Variants in IQCM observed in about 807,000 individuals in gnomAD.
IQCM encodes the protein IQ motif containing M.
IQCM carries 45 observed loss-of-function variants against 57.6 expected under a neutral mutation model. That is an observed-to-expected ratio of 0.78 (90% confidence interval 0.62 to 1.00). The LOEUF is 1.00. Among genes scored for constraint, IQCM ranks in the 50% least tolerant of loss-of-function variants. The pLI, the probability that IQCM is intolerant of heterozygous loss-of-function variation, is 0.00. For synonymous variants in IQCM, 148 were observed against 158.9 expected, an observed-to-expected ratio of 0.93 and a Z score of 0.51; for missense variants, 468 against 511.6, an observed-to-expected ratio of 0.91 and a Z score of 0.82.
Position 149,351,877 on chromosome 4 carries a change from A to G in IQCM, c.*74T>C. 2.5e-6 allele frequency: 1 copy of G among 397,640 alleles called. No homozygotes were observed. Among genetic ancestry groups the G allele is most frequent in the Non-Finnish European group, 4.4e-6 (1 of 225,500 alleles). The allele number at this position is 397,640 out of a possible 1,614,324, so 24.6% of individuals were successfully genotyped here. A position where few individuals can be genotyped will look rare whatever the true frequency, so the allele number is the denominator to read the frequency against. ...CTTTCTTCCTACTCATACAGAATTG[A>G]TCCACCTCCAGTGTTAACTTGTCTC... On this transcript the variant is annotated 3_prime_UTR_variant, in exon 14 of 14. Coordinates refer to ENST00000636793, the MANE Select transcript of IQCM (RefSeq NM_001363507.2).
At chr4:149,496,565 G>T (rs1204534068) in intron 12 of IQCM, among the ~76,000 whole-genome samples, 1 of 152,038 alleles carries the variant, frequency 6.6e-6, no homozygotes, top group Non-Finnish European at 1.5e-5. Context: ...TGAGGAAGAG[G>T]CCATCAGCCC....
intron 8 of IQCM, among the ~76,000 whole-genome samples, chr4:149,604,217 A>G (rs550822858): frequency 2.0e-4 from 31 of 152,264 alleles, no homozygotes; most frequent in African/African-American, 6.7e-4. Flanking sequence ...TTGATTGTGA[A>G]TCCACTTATC....
chr4:149,687,243 T>C (rs563665250), intron 5 of IQCM, among the ~76,000 whole-genome samples: 1 of 151,736 alleles, frequency 6.6e-6, no homozygotes, highest in South Asian at 2.1e-4. Context: ...GACTGAATTA[T>C]GTAACGTATA....
intron 7 of IQCM, among the ~76,000 whole-genome samples, chr4:149,638,870 C>T (rs894144080): frequency 6.6e-6 from 1 of 151,438 alleles, no homozygotes; most frequent in African/African-American, 2.4e-5. Context: ...GCTTTACCAT[C>T]AGCTTAAACT....
chr4:149,707,954 A>T (rs897655401), intron 5 of IQCM, among the ~76,000 whole-genome samples: 2 of 151,882 alleles, frequency 1.3e-5, no homozygotes, highest in African/African-American at 4.8e-5. Flanking sequence ...TTCATCTAGA[A>T]CCAGGAAGAC....
intron 2 of IQCM, among the ~76,000 whole-genome samples, chr4:149,757,102 C>T (rs1216936074): frequency 6.6e-6 from 1 of 151,736 alleles, no homozygotes; most frequent in Non-Finnish European, 1.5e-5. Flanking sequence ...ACTAAAAATA[C>T]AAAAAATTAG....
intron 5 of IQCM, among the ~76,000 whole-genome samples, chr4:149,692,011 T>TG (rs1317039780): frequency 6.6e-6 from 1 of 152,104 alleles, no homozygotes; most frequent in Non-Finnish European, 1.5e-5. Flanking sequence ...GCAGAGACAA[T>TG]TAGTACTCAC....
At chr4:149,419,478 T>C (rs1486200201) in intron 13 of IQCM, among the ~76,000 whole-genome samples, 2 of 152,098 alleles carry the variant, frequency 1.3e-5, no homozygotes, top group African/African-American at 4.8e-5. Flanking sequence ...TTACACCTTA[T>C]ACAAAAATTA....
chr4:149,647,334 T>C (rs181410182), intron 7 of IQCM, among the ~76,000 whole-genome samples: 33 of 143,492 alleles, frequency 2.3e-4, no homozygotes, highest in African/African-American at 7.0e-4. Context: ...GTCTCCCTTC[T>C]AAGAACATTT....
chr4:149,364,157 A>G (rs1007824752), intron 13 of IQCM, among the ~76,000 whole-genome samples: 5 of 152,312 alleles, frequency 3.3e-5, no homozygotes, highest in South Asian at 2.1e-4. Context: ...GAGCTCTTGT[A>G]AAATGACCAG....
At chr4:149,631,270 C>T (rs975483938) in intron 7 of IQCM, among the ~76,000 whole-genome samples, 2 of 152,194 alleles carry the variant, frequency 1.3e-5, no homozygotes, top group African/African-American at 4.8e-5. Context: ...ATTTCAATCC[C>T]TGTACCTCTT....
intron 12 of IQCM, among the ~76,000 whole-genome samples, chr4:149,484,611 G>C (rs1741267831): frequency 6.6e-6 from 1 of 151,726 alleles, no homozygotes; most frequent in Non-Finnish European, 1.5e-5. Flanking sequence ...CTTTAATTTT[G>C]TCCCTTTTTT....
chr4:149,411,654 C>T (rs1733389814), intron 13 of IQCM, among the ~76,000 whole-genome samples: 2 of 151,980 alleles, frequency 1.3e-5, no homozygotes, highest in African/African-American at 4.8e-5. Context: ...TCTAGTTCAC[C>T]TTAAAATTAA....
chr4:149,481,713 T>TG (rs1560896112), intron 12 of IQCM, among the ~76,000 whole-genome samples: 91 of 138,112 alleles, frequency 6.6e-4, no homozygotes, highest in African/African-American at 8.0e-4. Context: ...TTTTTTTTTT[T>TG]TTTTTTTTTG....
chr4:149,373,026 A>G (rs1730467346), intron 13 of IQCM, among the ~76,000 whole-genome samples: 1 of 152,140 alleles, frequency 6.6e-6, no homozygotes, highest in Non-Finnish European at 1.5e-5. Context: ...TCTCAGAAAA[A>G]CTGCAAAAAT....
At chr4:149,797,614 C>T (rs1370452973) in intron 2 of IQCM, among the ~76,000 whole-genome samples, 1 of 151,900 alleles carries the variant, frequency 6.6e-6, no homozygotes, top group Admixed American at 6.6e-5. Context: ...ACAAAGAAGA[C>T]TACTTCAAGG....
At chr4:149,493,632 GGGGATTCTAAT>G (rs1394945725) in intron 12 of IQCM, among the ~76,000 whole-genome samples, 1 of 151,982 alleles carries the variant, frequency 6.6e-6, no homozygotes, top group African/African-American at 2.4e-5. Flanking sequence ...AGAGAAGGAG[GGGGATTCTAAT>G]GGCTCCCAGC....
At chr4:149,361,328 T>C (rs572011248) in intron 13 of IQCM, among the ~76,000 whole-genome samples, 65 of 152,184 alleles carry the variant, frequency 4.3e-4, no homozygotes, top group Non-Finnish European at 7.9e-4. Context: ...GGGGAGAAAT[T>C]CAAGCTGGCT....
intron 12 of IQCM, among the ~76,000 whole-genome samples, chr4:149,508,043 T>A (rs951432719): frequency 1.3e-5 from 2 of 151,652 alleles, no homozygotes; most frequent in African/African-American, 2.4e-5. Flanking sequence ...AGCTTCCACA[T>A]GGTGTTGAAC....
Sources: gnomAD v4.1 joint callset for allele counts (sites outside exome capture counted in the v4.1 genomes callset) on GRCh38, gnomAD v4.1.1 for gene constraint, MANE v1.5 for transcripts, NCBI Gene and HGNC (gene_info 2026-07-23, HGNC 2026-07-21) for gene names.